The following ARB2A variants were observed in gnomAD, a reference collection of about 807,000 sequenced individuals.
ARB2A encodes cotranscriptional regulator ARB2A.
chr5:93,631,783 AG>A, the ARB2A span, among the ~76,000 whole-genome samples: 1 of 40,052 alleles, frequency 2.5e-5, no homozygotes, highest in African/African-American at 9.3e-5. Context: ...CAAGACAGAG[AG>A]GGGGGAGGGG....
chr5:93,817,982 G>GA, the ARB2A span, among the ~76,000 whole-genome samples: 4 of 151,536 alleles, frequency 2.6e-5, no homozygotes, highest in Non-Finnish European at 5.9e-5. Flanking sequence ...AAAGACCTAT[G>GA]AAAAATCAAA....
At chr5:93,854,350 CTTCT>C in the ARB2A span, among the ~76,000 whole-genome samples, 5 of 151,944 alleles carry the variant, frequency 3.3e-5, no homozygotes, top group African/African-American at 1.2e-4. Flanking sequence ...TCTCTCTTTT[CTTCT>C]TTATTAGTCT....
chr5:93,872,832 G>C, the ARB2A span, among the ~76,000 whole-genome samples: 5 of 151,972 alleles, frequency 3.3e-5, no homozygotes, highest in African/African-American at 1.2e-4. Context: ...CAGGAGAATG[G>C]CGTGAACCCG....
chr5:93,795,403 GA>G, the ARB2A span, among the ~76,000 whole-genome samples: 2 of 152,132 alleles, frequency 1.3e-5, no homozygotes, highest in Non-Finnish European at 2.9e-5. Context: ...AAGGCACGCA[GA>G]CTCACAGTTT....
At chr5:93,675,545 T>C in the ARB2A span, among the ~76,000 whole-genome samples, 1 of 152,186 alleles carries the variant, frequency 6.6e-6, no homozygotes, top group African/African-American at 2.4e-5. Context: ...CAGCCCCTCA[T>C]TTTTGGTTTC....
the ARB2A span, among the ~76,000 whole-genome samples, chr5:93,688,018 G>A: frequency 7.3e-5 from 11 of 151,504 alleles, no homozygotes; most frequent in Admixed American, 6.6e-4. Flanking sequence ...CTGTCACCCA[G>A]GCTGGAGTGC....
the ARB2A span, among the ~76,000 whole-genome samples, chr5:93,776,634 C>T: frequency 6.6e-6 from 1 of 152,072 alleles, no homozygotes; most frequent in Non-Finnish European, 1.5e-5. Context: ...AAAAATTAGC[C>T]TGGCGTGGTG....
At chr5:93,803,594 A>T in the ARB2A span, among the ~76,000 whole-genome samples, 5 of 151,808 alleles carry the variant, frequency 3.3e-5, no homozygotes, top group Admixed American at 3.3e-4. Context: ...GAGGATCAGG[A>T]AAAATAACAA....
At chr5:93,982,916 A>G in the ARB2A span, among the ~76,000 whole-genome samples, 6 of 152,220 alleles carry the variant, frequency 3.9e-5, no homozygotes, top group African/African-American at 1.4e-4. Flanking sequence ...TTAGGCAGGC[A>G]TGGTGGCATG....
chr5:93,717,835 CT>C, the ARB2A span, among the ~76,000 whole-genome samples: 10,390 of 136,120 alleles, frequency 0.076, 281 homozygotes, highest in African/African-American at 0.12. Flanking sequence ...AATTCATATT[CT>C]TTTTTTTTTT....
chr5:93,798,109 T>C, the ARB2A span, among the ~76,000 whole-genome samples: 1 of 152,112 alleles, frequency 6.6e-6, no homozygotes, highest in Non-Finnish European at 1.5e-5. Context: ...AAGAAGACTA[T>C]GCATAGGAAT....
the ARB2A span, among the ~76,000 whole-genome samples, chr5:93,801,608 G>A: frequency 6.6e-6 from 1 of 152,010 alleles, no homozygotes; most frequent in East Asian, 1.9e-4. Flanking sequence ...GTATATAAAA[G>A]CACACCCACA....
At chr5:94,057,126 T>TCC in the ARB2A span, among the ~76,000 whole-genome samples, 2 of 152,246 alleles carry the variant, frequency 1.3e-5, no homozygotes, top group African/African-American at 2.4e-5. Context: ...CTCCTGGGTC[T>TCC]CCAGCTTGCT....
the ARB2A span, among the ~76,000 whole-genome samples, chr5:93,937,072 A>G: frequency 6.6e-6 from 1 of 150,550 alleles, no homozygotes; most frequent in Non-Finnish European, 1.5e-5. Context: ...GCAGGGTTTC[A>G]CTGTGTCAGC....
chr5:93,762,365 T>C, the ARB2A span, among the ~76,000 whole-genome samples: 13,119 of 152,236 alleles, frequency 0.086, 879 homozygotes, highest in African/African-American at 0.18. Flanking sequence ...AAGGACCTGA[T>C]GGAGCTGAAA....
chr5:94,022,942 G>A, the ARB2A span, among the ~76,000 whole-genome samples: 2 of 152,178 alleles, frequency 1.3e-5, no homozygotes, highest in African/African-American at 4.8e-5. Flanking sequence ...GGATGATGAC[G>A]TTAAGGAGGA....
the ARB2A span, among the ~76,000 whole-genome samples, chr5:93,975,324 A>G: frequency 6.6e-6 from 1 of 151,078 alleles, no homozygotes; most frequent in African/African-American, 2.4e-5. Context: ...CTCAAAAAAA[A>G]AAAAAAAAAA....
the ARB2A span, among the ~76,000 whole-genome samples, chr5:94,006,659 T>C: frequency 4.6e-5 from 7 of 152,184 alleles, no homozygotes; most frequent in Admixed American, 3.3e-4. Context: ...CAGTAAATCA[T>C]ATTTTTTCTT....
the ARB2A span, among the ~76,000 whole-genome samples, chr5:93,804,662 T>C: frequency 6.6e-6 from 1 of 151,798 alleles, no homozygotes; most frequent in Non-Finnish European, 1.5e-5. Context: ...ATATATATTG[T>C]TCATTTATAT....
Sources: allele counts gnomAD v4.1 joint callset (sites outside exome capture counted in the v4.1 genomes callset), GRCh38; gene constraint gnomAD v4.1.1; transcripts MANE v1.5; gene names NCBI Gene and HGNC (gene_info 2026-07-23, HGNC 2026-07-21).